The following RNF130 variants were observed in gnomAD, a reference collection of about 807,000 sequenced individuals.
The protein encoded by RNF130 is ring finger protein 130, also known as E3 ubiquitin-protein ligase RNF130.
A neutral mutation model predicts 44.6 loss-of-function variants in RNF130; 21 were observed. The observed-to-expected ratio is 0.47, with a 90% confidence interval of 0.33 to 0.68. The LOEUF is 0.68. Among genes scored for constraint, RNF130 ranks in the 30% least tolerant of loss-of-function variants. RNF130 has a pLI of 0.02. For synonymous variants in RNF130, 214 were observed against 210.4 expected, an observed-to-expected ratio of 1.02 and a Z score of -0.15; for missense variants, 479 against 560.6, an observed-to-expected ratio of 0.85 and a Z score of 1.47.
Position 179,998,858 on chromosome 5 carries a change from TTTA to T in RNF130, c.693+14200_693+14202del, listed in dbSNP as rs1173327725. ...ATCTCTCTCTTTAGATCTAGTATTT[TTTA>T]TATATATATATATATATATATATGT... On this transcript the variant is annotated intron_variant, in intron 3 of 8. Coordinates refer to ENST00000521389, the MANE Select transcript of RNF130 (RefSeq NM_018434.6). Among the ~76,000 whole-genome samples the T allele has an allele frequency of 7.4e-5, 6 of 81,358 alleles. No homozygotes were observed. The South Asian group carries it at 2.4e-3, about 33-fold the overall frequency. 53.4% of individuals were successfully genotyped at this position (81,358 alleles called of 152,430 possible).
intron 2 of RNF130, among the ~76,000 whole-genome samples, chr5:180,019,540 T>C (rs1763825333): frequency 6.6e-6 from 1 of 152,196 alleles, no homozygotes; most frequent in African/African-American, 2.4e-5. Context: ...CTCATCTCAC[T>C]CCACTGACTT....
intron 7 of RNF130, among the ~76,000 whole-genome samples, chr5:179,921,485 A>G (rs369663950): frequency 2.6e-5 from 4 of 152,266 alleles, no homozygotes; most frequent in Non-Finnish European, 4.4e-5. Context: ...GAACTTTTTC[A>G]GAAACTGCCA....
chr5:179,973,119 T>A (rs1310066962), intron 5 of RNF130, among the ~76,000 whole-genome samples: 1 of 152,160 alleles, frequency 6.6e-6, no homozygotes, highest in African/African-American at 2.4e-5. Context: ...CTCCTGACCC[T>A]ACCTCTGAGC....
At position 179,966,884 on chromosome 5, in the gene RNF130, G is replaced by T. The variant is rs368728115; in HGVS notation, c.1072C>A (p.Arg358=). 26 of 1,614,096 alleles carry T rather than the reference G, an allele frequency of 1.6e-5. No individual in the cohort carries two copies. The highest frequency in any genetic ancestry group is 3.4e-6 in the Non-Finnish European group (4 of 1,180,044). ...GDNSLGLEPL[R]TSGISPLPQD... ...GGAAGAGGTGAGATCCCCGAAGTTC[G>T]AAGTGGCTCAAGGCCAAGGGAGTTG... The change falls in exon 7 of 9, where the codon CGA becomes AGA. Residue 358 remains arginine, a synonymous_variant. Coordinates refer to ENST00000521389, the MANE Select transcript of RNF130 (RefSeq NM_018434.6).
intron 8 of RNF130, among the ~76,000 whole-genome samples, chr5:179,963,109 G>A (rs1366540355): frequency 6.6e-6 from 1 of 152,248 alleles, no homozygotes; most frequent in Non-Finnish European, 1.5e-5. Flanking sequence ...AGATGTGTGT[G>A]ATGAACGCAA....
intron 3 of RNF130, among the ~76,000 whole-genome samples, chr5:180,001,376 C>T (rs1378658495): frequency 6.6e-6 from 1 of 152,156 alleles, no homozygotes; most frequent in Non-Finnish European, 1.5e-5. Flanking sequence ...ATGTCCTAGG[C>T]TCAGAGTCTC....
chr5:179,916,024 G>T (rs1244170666), exon 8 of RNF130: 1 of 152,140 alleles, frequency 6.6e-6, no homozygotes, highest in Non-Finnish European at 1.5e-5. Flanking sequence ...GTTTGCTGGC[G>T]ATATTAACTG....
intron 5 of RNF130, among the ~76,000 whole-genome samples, chr5:179,973,063 A>G (rs540157561): frequency 1.3e-5 from 2 of 152,114 alleles, no homozygotes; most frequent in Non-Finnish European, 2.9e-5. Flanking sequence ...TTTGGTCTTT[A>G]AAAAAAAGTT....
intron 3 of RNF130, among the ~76,000 whole-genome samples, chr5:180,005,253 C>G (rs964691117): frequency 1.5e-4 from 23 of 152,108 alleles, no homozygotes; most frequent in African/African-American, 5.6e-4. Context: ...CATGGCGAAA[C>G]CCCGTCTCTA....
intron 3 of RNF130, among the ~76,000 whole-genome samples, chr5:180,006,284 C>T (rs1282227322): frequency 6.6e-6 from 1 of 150,496 alleles, no homozygotes; most frequent in African/African-American, 2.4e-5. Context: ...TTCCTCTCTT[C>T]CAATGTGGAA....
At chr5:180,040,033 A>G (rs918493568) in intron 2 of RNF130, among the ~76,000 whole-genome samples, 2 of 152,252 alleles carry the variant, frequency 1.3e-5, no homozygotes, top group African/African-American at 4.8e-5. Context: ...ATAAAGAAGC[A>G]TTGTTACTAC....
intron 1 of RNF130, among the ~76,000 whole-genome samples, chr5:180,070,289 T>C (rs1765218411): frequency 6.6e-6 from 1 of 152,318 alleles, no homozygotes; most frequent in Admixed American, 6.5e-5. Context: ...ACAGTAGAGA[T>C]GAGATATGCA....
At chr5:180,034,443 T>C (rs188409289) in intron 2 of RNF130, among the ~76,000 whole-genome samples, 34 of 152,342 alleles carry the variant, frequency 2.2e-4, no homozygotes, top group African/African-American at 7.5e-4. Flanking sequence ...ATTAGTATTA[T>C]TTTTTCTTTA....
At chr5:179,913,953 A>G (rs1761504968) in exon 8 of RNF130, 1 of 152,202 alleles carries the variant, frequency 6.6e-6, no homozygotes, top group Non-Finnish European at 1.5e-5. Context: ...AATTCCAAGG[A>G]GCAGACATAG....
intron 8 of RNF130, among the ~76,000 whole-genome samples, chr5:179,959,089 A>C (rs918185274): frequency 6.6e-6 from 1 of 152,182 alleles, no homozygotes; most frequent in African/African-American, 2.4e-5. Context: ...AGTCAACATG[A>C]GGCTCTTTTG....
intron 1 of RNF130, among the ~76,000 whole-genome samples, chr5:180,065,976 T>G (rs1047213674): frequency 3.9e-5 from 6 of 152,200 alleles, no homozygotes; most frequent in Admixed American, 3.9e-4. Flanking sequence ...CTTTATAAAA[T>G]TATTCAATCA....
At chr5:180,051,805 T>G (rs1207673727) in intron 1 of RNF130, among the ~76,000 whole-genome samples, 1 of 152,206 alleles carries the variant, frequency 6.6e-6, no homozygotes, top group Non-Finnish European at 1.5e-5. Context: ...TAAGTTTAAA[T>G]GACGGCTAAT....
intron 2 of RNF130, among the ~76,000 whole-genome samples, chr5:180,032,354 A>G (rs1417916142): frequency 6.6e-6 from 1 of 152,046 alleles, no homozygotes; most frequent in African/African-American, 2.4e-5. Flanking sequence ...TATAGTCTAA[A>G]TCCCTTCCTC....
chr5:179,986,949 A>C (rs1038885920), intron 3 of RNF130, among the ~76,000 whole-genome samples: 2 of 152,076 alleles, frequency 1.3e-5, no homozygotes, highest in Non-Finnish European at 2.9e-5. Flanking sequence ...TTTCCTTATT[A>C]CCCAGTTTGT....
Sources: gnomAD v4.1 joint callset for allele counts (sites outside exome capture counted in the v4.1 genomes callset) on GRCh38, gnomAD v4.1.1 for gene constraint, MANE v1.5 for transcripts, NCBI Gene and HGNC (gene_info 2026-07-23, HGNC 2026-07-21) for gene names.